KAT6A: variants seen among roughly 807,000 people sequenced by gnomAD.
The protein encoded by KAT6A is lysine acetyltransferase 6A.
A neutral mutation model predicts 198.4 loss-of-function variants in KAT6A; 9 were observed. The observed-to-expected ratio is 0.05, with a 90% CI of 0.03 to 0.08. KAT6A has a LOEUF of 0.08. Among genes scored for constraint, KAT6A ranks in the 10% least tolerant of loss-of-function variants. The pLI is 1.00. For missense variants in KAT6A, 2,077 were observed against 2,509.9 expected (o/e 0.83, Z 3.69); for synonymous variants, 890 against 883.0 (o/e 1.01, Z -0.14).
At chr8:42,047,859 T>G (rs1321549466) in intron 2 of KAT6A, among the ~76,000 whole-genome samples, 1 of 152,132 alleles carries the variant, frequency 6.6e-6, no homozygotes, top group Non-Finnish European at 1.5e-5. Flanking sequence ...ATTGCTAAGT[T>G]TGCTTAGTTG....
intron 2 of KAT6A, among the ~76,000 whole-genome samples, chr8:42,006,197 G>A (rs1357459852): frequency 6.6e-6 from 1 of 152,198 alleles, no homozygotes; most frequent in Non-Finnish European, 1.5e-5. Context: ...AGCCTTGTCT[G>A]CACCTAGGAC....
At position 42,019,600 on chromosome 8, in the gene KAT6A, C is replaced by T. The variant is rs184228283; in HGVS notation, c.600+28778G>A. 2.2e-4 allele frequency among the ~76,000 whole-genome samples: 33 copies of T among 152,240 alleles called. No individual in the cohort carries two copies. In the East Asian group the frequency reaches 2.3e-3, roughly 11 times the overall value. On this transcript the variant is annotated intron_variant, in intron 2 of 16. Transcript: ENST00000265713. Reference sequence around the variant, plus strand: ...GGTTAACTACTCTGCCAAATTCACACGAGTTAAGTGATGAAACCAAAAGGT... The same window carrying T: ...GGTTAACTACTCTGCCAAATTCACATGAGTTAAGTGATGAAACCAAAAGGT...
At chr8:41,964,983 T>G (rs1823392092) in intron 8 of KAT6A, among the ~76,000 whole-genome samples, 1 of 152,174 alleles carries the variant, frequency 6.6e-6, no homozygotes, top group Non-Finnish European at 1.5e-5. Flanking sequence ...AAAGGGGGAT[T>G]ACTGTAAATA....
chr8:41,953,034 T>A (rs1052261015), intron 9 of KAT6A, among the ~76,000 whole-genome samples: 2 of 152,236 alleles, frequency 1.3e-5, no homozygotes, highest in Non-Finnish European at 2.9e-5. Context: ...TTCTGCTTTC[T>A]ACTGGTTCCT....
In KAT6A at chr8:41,980,498, T is replaced by C. The variant is rs371803137; in HGVS notation, c.907+348A>G. Among the ~76,000 whole-genome samples, 13 of 152,338 alleles carry C rather than the reference T, an allele frequency of 8.5e-5. 1 individual carries two copies. Among genetic ancestry groups the C allele is most frequent in the Admixed American group, 4.6e-4 (7 of 15,304 alleles). On this transcript the variant is annotated intron_variant, in intron 5 of 16. Transcript: ENST00000265713. The stretch of plus-strand genomic sequence containing the variant: ...AAGCAGTGATATAATCAACACGACC[T>C]AATACTATTTTATTTCCTCCTTTCA...
rs1821534294 is a variant in KAT6A at position 41,931,371 on chromosome 8, G to A, written c.*834C>T. 1 of 214,652 alleles carries A rather than the reference G, an allele frequency of 4.7e-6. No individual in the cohort carries two copies. Among genetic ancestry groups the A allele is most frequent in the African/African-American group, 2.3e-5 (1 of 44,208 alleles). The allele number at this position is 214,652 out of a possible 1,614,324, so 13.3% of individuals were successfully genotyped here. On this transcript the variant is annotated 3_prime_UTR_variant, in exon 17 of 17. Transcript: ENST00000265713. ...GACCATCTCTATTCCTCCAAAGGCT[G>A]GATTTGGATTGCAAACAGCTTTTCT...
In KAT6A at chr8:41,930,133, GAAAC is replaced by G. The variant is rs1210224613; in HGVS notation, c.*2068_*2071del. 8.6e-6 allele frequency: 2 copies of G among 231,972 alleles called. No homozygotes were observed. The highest frequency in any genetic ancestry group is 4.4e-5 in the African/African-American group (2 of 45,130). 14.4% of individuals were successfully genotyped at this position (231,972 alleles called of 1,614,324 possible). A position where few individuals can be genotyped will look rare whatever the true frequency, so the allele number is the denominator to read the frequency against. ...GCTGCCCGATTGAATTTTTTATAAA[GAAAC>G]AAACAAAACCAAACACAACCGCAAA... On this transcript the variant is annotated 3_prime_UTR_variant, in exon 17 of 17. Coordinates refer to ENST00000265713, the MANE Select transcript of KAT6A (RefSeq NM_006766.5).
chr8:41,937,125 T>C (rs547611145), intron 16 of KAT6A, 131 bp downstream of exon 16: 14 of 657,232 alleles, frequency 2.1e-5, no homozygotes, highest in East Asian at 5.4e-5. Context: ...TTTTTAGAGA[T>C]TGCCAAACGT....
At chr8:41,978,355 CCA>C (rs1177500867) in intron 6 of KAT6A, among the ~76,000 whole-genome samples, 1 of 152,160 alleles carries the variant, frequency 6.6e-6, no homozygotes, top group Non-Finnish European at 1.5e-5. Flanking sequence ...GATTTTCATC[CCA>C]GTTCAACATT....
chr8:42,028,301 G>A (rs180969190), intron 2 of KAT6A, among the ~76,000 whole-genome samples: 1 of 152,284 alleles, frequency 6.6e-6, no homozygotes, highest in East Asian at 1.9e-4. Flanking sequence ...TTTCTGCACA[G>A]CTGACCTGCC....
chr8:42,000,780 T>C (rs78701071), intron 2 of KAT6A, among the ~76,000 whole-genome samples: 1,801 of 152,220 alleles, frequency 0.012, 30 homozygotes, highest in African/African-American at 0.042. Flanking sequence ...GCTATCAGAA[T>C]CATGATGTTT....
chr8:41,978,945 A>C (rs1291395401), intron 5 of KAT6A, among the ~76,000 whole-genome samples, 168 bp from the exon 6 acceptor site: 1 of 152,206 alleles, frequency 6.6e-6, no homozygotes, highest in African/African-American at 2.4e-5. Context: ...ATATACACAC[A>C]AAATTCTACA....
chr8:42,035,176 TGGAA>T (rs1827309493), intron 2 of KAT6A, among the ~76,000 whole-genome samples: 2 of 152,148 alleles, frequency 1.3e-5, no homozygotes, highest in Non-Finnish European at 2.9e-5. Context: ...AGACATGGGA[TGGAA>T]TAGAACTGAA....
At chr8:42,013,960 T>G (rs888599469) in intron 2 of KAT6A, among the ~76,000 whole-genome samples, 11 of 152,210 alleles carry the variant, frequency 7.2e-5, no homozygotes, top group Non-Finnish European at 1.0e-4. Context: ...CACTCAAGTC[T>G]GCCGCGGTAC....
intron 2 of KAT6A, among the ~76,000 whole-genome samples, chr8:41,998,619 T>C (rs934192891): frequency 3.3e-5 from 5 of 152,130 alleles, no homozygotes; most frequent in Non-Finnish European, 7.4e-5. Context: ...AAGTAAGCGT[T>C]TGTTGAAATT....
At chr8:42,021,180 T>C (rs1826513977) in intron 2 of KAT6A, among the ~76,000 whole-genome samples, 5 of 152,184 alleles carry the variant, frequency 3.3e-5, no homozygotes, top group Admixed American at 2.6e-4. Context: ...TTAAATAGAT[T>C]ATAAAACGTG....
chr8:41,978,824 C>T (rs1441524552), intron 5 of KAT6A, 47 bp from the exon 6 acceptor site: 3 of 1,565,250 alleles, frequency 1.9e-6, no homozygotes, highest in South Asian at 1.1e-5. Context: ...GACATAAATA[C>T]ACTGAAAGGT....
intron 16 of KAT6A, among the ~76,000 whole-genome samples, chr8:41,935,858 C>T (rs576290418): frequency 6.6e-6 from 1 of 152,314 alleles, no homozygotes; most frequent in South Asian, 2.1e-4. Flanking sequence ...GCTAAATTTA[C>T]AAAATAAATT....
intron 2 of KAT6A, among the ~76,000 whole-genome samples, chr8:42,002,452 T>C (rs1673452296): frequency 6.6e-6 from 1 of 152,146 alleles, no homozygotes; most frequent in South Asian, 2.1e-4. Flanking sequence ...TCCCAGCTAC[T>C]CGGGAGGCTG....
Sources: allele counts gnomAD v4.1 joint callset (sites outside exome capture counted in the v4.1 genomes callset), GRCh38; gene constraint gnomAD v4.1.1; transcripts MANE v1.5; gene names NCBI Gene and HGNC (gene_info 2026-07-23, HGNC 2026-07-21).